The following DBT variants were observed in gnomAD, a reference collection of about 807,000 sequenced individuals.
DBT encodes lipoamide acyltransferase component of branched-chain alpha-keto acid dehydrogenase complex, mitochondrial.
A neutral mutation model predicts 51.3 loss-of-function variants in DBT; 40 were observed. The observed-to-expected ratio is 0.78, with a 90% confidence interval of 0.61 to 1.02. The LOEUF is 1.02. Among genes scored for constraint, DBT ranks in the 50% least tolerant of loss-of-function variants. The pLI is 0.00. For missense variants in DBT, 510 were observed against 580.2 expected, an observed-to-expected ratio of 0.88 and a Z score of 1.24; for synonymous variants, 181 against 190.4, an observed-to-expected ratio of 0.95 and a Z score of 0.41.
intron 3 of DBT, among the ~76,000 whole-genome samples, chr1:100,234,882 AG>A (rs1663776472): frequency 6.6e-6 from 1 of 152,194 alleles, no homozygotes; most frequent in Admixed American, 6.5e-5. Context: ...TAAGGTGGGA[AG>A]TAATCTATTT....
At position 100,249,807 on chromosome 1, in the gene DBT, C is replaced by G. The variant is rs761530853; in HGVS notation, c.14G>C (p.Arg5Pro). 5 of 1,614,134 alleles carry G rather than the reference C, an allele frequency of 3.1e-6. No homozygotes were observed. In the South Asian group the frequency reaches 3.3e-5, roughly 11 times the overall value. The change falls in exon 1 of 11, where the codon CGT becomes CCT. Residue 5 changes from arginine (R) to proline (P), a missense_variant. By Grantham distance (103) the Arg-to-Pro change is moderately radical (BLOSUM62 -2). Transcript: ENST00000370132. MAAV[R>P]MLRTWSRNAG... Reference sequence around the variant, plus strand: ...ATTCCTGCTCCAGGTTCTCAGCATACGGACTGCAGCCATCTTACCCCGGAA... The same window carrying G: ...ATTCCTGCTCCAGGTTCTCAGCATAGGGACTGCAGCCATCTTACCCCGGAA...
intron 3 of DBT, among the ~76,000 whole-genome samples, chr1:100,233,625 C>T (rs1345120655): frequency 6.6e-6 from 1 of 152,194 alleles, no homozygotes; most frequent in Non-Finnish European, 1.5e-5. Flanking sequence ...GCCATTTTTA[C>T]TTCCTGCAGA....
At position 100,189,175 on chromosome 1, in the gene DBT, T is replaced by C. The variant is rs1374705840; in HGVS notation, c.*7080A>G. 1 of 152,136 alleles carries C rather than the reference T, an allele frequency of 6.6e-6. No homozygotes were observed. The highest frequency in any genetic ancestry group is 1.5e-5 in the Non-Finnish European group (1 of 68,090). 9.4% of individuals were successfully genotyped at this position (152,136 alleles called of 1,614,324 possible). The stretch of plus-strand genomic sequence containing the variant: ...GGCCAACATGGCGAAACCCCATCTC[T>C]GCTAAAAATAGAAAAATTAGCCAGG... On this transcript the variant is annotated 3_prime_UTR_variant, in exon 11 of 11. Transcript: ENST00000370132.
intron 6 of DBT, among the ~76,000 whole-genome samples, chr1:100,215,639 G>A (rs1168903551): frequency 6.6e-6 from 1 of 152,128 alleles, no homozygotes; most frequent in African/African-American, 2.4e-5. Flanking sequence ...TGGCCAACAT[G>A]ATGAAACCCT....
chr1:100,244,879 A>G (rs1664451528), intron 1 of DBT, among the ~76,000 whole-genome samples: 1 of 152,192 alleles, frequency 6.6e-6, no homozygotes, highest in Non-Finnish European at 1.5e-5. Flanking sequence ...AGGGGAGAGT[A>G]CTGTATAGTA....
intron 4 of DBT, among the ~76,000 whole-genome samples, chr1:100,224,535 T>C (rs1485008112): frequency 1.3e-5 from 2 of 152,178 alleles, no homozygotes; most frequent in Non-Finnish European, 2.9e-5. Context: ...AAAACTAGCA[T>C]GCAAGATAAT....
chr1:100,218,787 T>TA, intron 4 of DBT, 40 bp from the exon 5 acceptor site: 1 of 1,065,608 alleles, frequency 9.4e-7, no homozygotes, highest in Non-Finnish European at 1.3e-6. Flanking sequence ...TGAAAAAAAA[T>TA]TTTTTTTTTT....
At position 100,216,019 on chromosome 1, in the gene DBT, C is replaced by T; in HGVS notation, c.736G>A (p.Val246Ile). Reference protein sequence around the residue: ...TVPILVSKPPVFTGKDKTEPI... With the variant: ...TVPILVSKPPIFTGKDKTEPI... ...TCTGTTTTGTCTTTGCCTGTGAATA[C>T]CGGAGGTTTTGATACTAGTATAGGA... Residue 246 changes from valine to isoleucine, a missense_variant, in exon 6 of 11, where the codon GTA becomes ATA. Coordinates refer to ENST00000370132, the MANE Select transcript of DBT (RefSeq NM_001918.5). 6.2e-7 allele frequency: 1 copy of T among 1,611,250 alleles called. No homozygotes were observed. Among genetic ancestry groups the T allele is most frequent in the Non-Finnish European group, 8.5e-7 (1 of 1,177,640 alleles).
In DBT at chr1:100,195,432, C is replaced by T. The variant is rs937288941; in HGVS notation, c.*823G>A. On this transcript the variant is annotated 3_prime_UTR_variant, in exon 11 of 11. Coordinates refer to ENST00000370132, the MANE Select transcript of DBT (RefSeq NM_001918.5). ...GACATTAATTAATATAAATAAGACA[C>T]TATCAGATGATATTCTCTATACAGA... is the stretch of plus-strand genomic sequence containing the variant. 1 of 152,508 alleles carries T rather than the reference C, an allele frequency of 6.6e-6. No homozygotes were observed. The highest frequency in any genetic ancestry group is 1.5e-5 in the Non-Finnish European group (1 of 68,040). 9.4% of individuals were successfully genotyped at this position (152,508 alleles called of 1,614,324 possible). A position where few individuals can be genotyped will look rare whatever the true frequency, so the allele number is the denominator to read the frequency against.
At chr1:100,239,428 G>C (rs1047371034) in intron 2 of DBT, among the ~76,000 whole-genome samples, 4 of 152,110 alleles carry the variant, frequency 2.6e-5, no homozygotes, top group Non-Finnish European at 4.4e-5. Flanking sequence ...TTTTGTAAAA[G>C]TAGTGAAGGT....
chr1:100,238,047 T>A (rs778936994), intron 2 of DBT, among the ~76,000 whole-genome samples: 9 of 152,180 alleles, frequency 5.9e-5, no homozygotes, highest in Non-Finnish European at 1.2e-4. Context: ...GATAATCAGT[T>A]TGATGTGAGA....
intron 4 of DBT, among the ~76,000 whole-genome samples, chr1:100,224,067 G>C (rs1286307967): frequency 6.6e-6 from 1 of 152,062 alleles, no homozygotes; most frequent in African/African-American, 2.4e-5. Flanking sequence ...CTACTACTAT[G>C]TTACAAAAGA....
intron 10 of DBT, 65 bp from the exon 11 acceptor site, chr1:100,196,487 A>G (rs1661112534): frequency 6.5e-7 from 1 of 1,546,796 alleles, no homozygotes; most frequent in Middle Eastern, 1.8e-4. Context: ...TCACTTGTTC[A>G]GAGCTCAAGC....
At chr1:100,222,972 T>A (rs1662939245) in intron 4 of DBT, among the ~76,000 whole-genome samples, 1 of 152,200 alleles carries the variant, frequency 6.6e-6, no homozygotes, top group Non-Finnish European at 1.5e-5. Context: ...TAGCAAATAC[T>A]TCTTAATCAA....
chr1:100,226,239 G>A (rs1440676881), intron 4 of DBT, among the ~76,000 whole-genome samples: 4 of 149,910 alleles, frequency 2.7e-5, no homozygotes, highest in Admixed American at 1.3e-4. Context: ...AATTCTAAAG[G>A]TGAATTTTTG....
intron 4 of DBT, among the ~76,000 whole-genome samples, chr1:100,224,900 T>C (rs1192565770): frequency 6.7e-6 from 1 of 150,254 alleles, no homozygotes; most frequent in Non-Finnish European, 1.5e-5. Flanking sequence ...CTGCCTGTAA[T>C]CCCAGCTACT....
chr1:100,210,542 GA>G, intron 8 of DBT, 151 bp downstream of exon 8: 1 of 1,035,228 alleles, frequency 9.7e-7, no homozygotes, highest in Non-Finnish European at 1.4e-6. Context: ...CAACAACAAT[GA>G]ATTAGACTTA....
At chr1:100,249,420 G>A (rs1664776643) in intron 1 of DBT, 2 of 411,086 alleles carry the variant, frequency 4.9e-6, no homozygotes, top group Non-Finnish European at 9.2e-6. Context: ...GGCATACTGT[G>A]GGTACGCAAT....
intron 2 of DBT, among the ~76,000 whole-genome samples, chr1:100,238,079 G>A (rs1663986947): frequency 6.6e-6 from 1 of 152,088 alleles, no homozygotes; most frequent in Non-Finnish European, 1.5e-5. Flanking sequence ...ATGACTCCAG[G>A]TTTCTAGCTT....
Sources: allele counts gnomAD v4.1 joint callset (sites outside exome capture counted in the v4.1 genomes callset), GRCh38; gene constraint gnomAD v4.1.1; transcripts MANE v1.5; gene names NCBI Gene and HGNC (gene_info 2026-07-23, HGNC 2026-07-21).